Variants in PCDH10 observed in about 807,000 individuals in gnomAD.
PCDH10 encodes protocadherin 10.
In PCDH10, 15 loss-of-function variants were observed where a neutral mutation model predicts 74.4. That is an observed-to-expected ratio of 0.20 (90% CI 0.13 to 0.31). The LOEUF (loss-of-function observed/expected upper bound fraction) is 0.31, where lower values mean the gene tolerates loss of function less well. Among genes scored for constraint, PCDH10 ranks in the 10% least tolerant of loss-of-function variants. The probability of loss-of-function intolerance (pLI) is 1.00; values close to 1 mark genes in which losing one functional copy is unlikely to be tolerated. For synonymous variants in PCDH10, 619 were observed against 589.8 expected, an observed-to-expected ratio of 1.05 and a Z score of -0.72; for missense variants, 1,260 against 1,390.2, an observed-to-expected ratio of 0.91 and a Z score of 1.49.
Position 133,150,677 on chromosome 4 carries a change from A to G in PCDH10, c.537A>G (p.Arg179=), listed in dbSNP as rs1726647295. Residue 179 remains arginine, a synonymous_variant, in exon 1 of 5, where the codon CGA becomes CGG. Coordinates refer to ENST00000264360, the MANE Select transcript of PCDH10 (RefSeq NM_032961.3). ...TGCAGACCCAGGGGGATGGCAACCG[A>G]TTCGCTGAGCTGGTGCTGGAGAAGC... ...LDVQTQGDGN[R]FAELVLEKPL... is the part of the protein sequence containing the mutation. 1.4e-5 allele frequency: 23 copies of G among 1,612,394 alleles called. No homozygotes were observed. The highest frequency in any genetic ancestry group is 1.9e-5 in the Non-Finnish European group (22 of 1,179,844).
In PCDH10 at chr4:133,150,954, C is replaced by G; in HGVS notation, c.814C>G (p.Leu272Val). ...NSPPGTLVIQ[L>V]NATDPDEGQN... ...TCCCCCAGGCACTCTCGTGATCCAGCTCAACGCCACCGACCCGGACGAGGG... is the reference window on the plus strand; with the variant it reads ...TCCCCCAGGCACTCTCGTGATCCAGGTCAACGCCACCGACCCGGACGAGGG... Residue 272 changes from leucine to valine, a missense_variant, in exon 1 of 5, where the codon CTC becomes GTC. By Grantham distance (32) the Leu-to-Val change is conservative. This residue lies in a region of PCDH10 where 192 missense variants were observed against 161.2 expected (regional missense o/e 1.19). Transcript: ENST00000264360. 6.2e-7 allele frequency: 1 copy of G among 1,613,988 alleles called. No homozygotes were observed. Among genetic ancestry groups the G allele is most frequent in the Admixed American group, 1.7e-5 (1 of 60,034 alleles).
At position 133,185,893 on chromosome 4, in the gene PCDH10, T is replaced by C. The variant is rs549352547; in HGVS notation, c.3104-4248T>C. On this transcript the variant is annotated intron_variant, in intron 4 of 4. Coordinates refer to ENST00000264360, the MANE Select transcript of PCDH10 (RefSeq NM_032961.3). The stretch of plus-strand genomic sequence containing the variant: ...CCATGTGAATATTCAATTTATTAAA[T>C]TGTTATTTTAATGTATAAAATAAAA... Among the ~76,000 whole-genome samples the C allele has an allele frequency of 2.6e-5, 4 of 152,308 alleles. No individual in the cohort carries two copies. The South Asian group carries it at 8.3e-4, about 32-fold the overall frequency.
intron 4 of PCDH10, among the ~76,000 whole-genome samples, chr4:133,185,490 C>A (rs964298450): frequency 2.0e-5 from 3 of 152,128 alleles, no homozygotes; most frequent in African/African-American, 7.2e-5. Context: ...GTACAAATTT[C>A]TAATGGAGGC....
chr4:133,201,856 C>CAAAAAAAAAAAAAAAAAAAAAAGAAAA, intron 2 of PCDH10, among the ~76,000 whole-genome samples: 1 of 72,382 alleles, frequency 1.4e-5, no homozygotes, highest in Non-Finnish European at 2.5e-5. Flanking sequence ...AACTCCATCT[C>CAAAAAAAAAAAAAAAAAAAAAAGAAAA]AAAAAAAAAA....
chr4:133,150,957 A>G lies in PCDH10; in HGVS notation c.817A>G (p.Asn273Asp), dbSNP rs2125857619. Residue 273 changes from asparagine to aspartate, a missense_variant, in exon 1 of 5, where the codon AAC becomes GAC. This residue lies in a region of PCDH10 where 192 missense variants were observed against 161.2 expected (regional missense o/e 1.19). Transcript: ENST00000264360. ...CCCAGGCACTCTCGTGATCCAGCTCAACGCCACCGACCCGGACGAGGGCCA... is the reference window on the plus strand; with the variant it reads ...CCCAGGCACTCTCGTGATCCAGCTCGACGCCACCGACCCGGACGAGGGCCA... ...SPPGTLVIQL[N>D]ATDPDEGQNG... 3 of 1,613,986 alleles carry G rather than the reference A, an allele frequency of 1.9e-6. No homozygotes were observed. The highest frequency in any genetic ancestry group is 2.5e-6 in the Non-Finnish European group (3 of 1,180,018).
rs1727008464 is a variant in PCDH10, at chr4:133,163,234, G to T, written c.3055G>T (p.Asp1019Tyr). 1.2e-6 allele frequency: 2 copies of T among 1,613,904 alleles called. No homozygotes were observed. Among genetic ancestry groups the T allele is most frequent in the Admixed American group, 1.7e-5 (1 of 59,970 alleles). ...LHSTLERKEL[D>Y]GLLTNTRAPY... The stretch of plus-strand genomic sequence containing the variant: ...CAGCACTCTGGAGAGGAAGGAGCTG[G>T]ATGGACTGCTGACTAATACGCGAGC... Residue 1019 changes from aspartate (D) to tyrosine (Y), a missense_variant, in exon 4 of 5, where the codon GAT (aspartate) becomes TAT (tyrosine). By Grantham distance (160) the Asp-to-Tyr change is radical. Transcript: ENST00000264360.
At chr4:133,182,612 A>C (rs903493848) in intron 4 of PCDH10, among the ~76,000 whole-genome samples, 2 of 152,214 alleles carry the variant, frequency 1.3e-5, no homozygotes, top group African/African-American at 4.8e-5. Context: ...ATTCCAGAAA[A>C]ATTTTCAGTG....
At chr4:133,180,496 A>T (rs1727393807) in intron 4 of PCDH10, among the ~76,000 whole-genome samples, 2 of 151,920 alleles carry the variant, frequency 1.3e-5, no homozygotes, top group Non-Finnish European at 2.9e-5. Flanking sequence ...CTATTTTTTT[A>T]ATATCATGTT....
At chr4:133,159,857 AT>A (rs1726932574) in intron 3 of PCDH10, among the ~76,000 whole-genome samples, 1 of 152,008 alleles carries the variant, frequency 6.6e-6, no homozygotes, top group South Asian at 2.1e-4. Context: ...ATTTTAATAT[AT>A]CCTAGCTACT....
chr4:133,195,124 T>G (rs2125875670), downstream of PCDH10, among the ~76,000 whole-genome samples: 1 of 152,130 alleles, frequency 6.6e-6, no homozygotes, highest in East Asian at 1.9e-4. Flanking sequence ...AAATATGAAT[T>G]AAGGGATAGA....
At chr4:133,177,752 C>A (rs1178711301) in intron 4 of PCDH10, among the ~76,000 whole-genome samples, 1 of 152,042 alleles carries the variant, frequency 6.6e-6, no homozygotes, top group Admixed American at 6.6e-5. Flanking sequence ...TTGCCATAGT[C>A]ACCTGCAATT....
At chr4:133,208,467 C>G (rs902669648) in exon 3 of PCDH10, 44 of 152,206 alleles carry the variant, frequency 2.9e-4, no homozygotes, top group African/African-American at 1.0e-3. Context: ...TGTACACACC[C>G]TGTTGCTTTA....
chr4:133,154,703 T>A lies in PCDH10; in HGVS notation c.2691-214T>A, dbSNP rs552090280. Among the ~76,000 whole-genome samples, 20 of 152,306 alleles carry A rather than the reference T, an allele frequency of 1.3e-4. No homozygotes were observed. The East Asian group carries it at 3.9e-3, about 29-fold the overall frequency. On this transcript the variant is annotated intron_variant, in intron 2 of 4. Coordinates refer to ENST00000264360, the MANE Select transcript of PCDH10 (RefSeq NM_032961.3). ...TTAGCTCCAATTATAGAGTAATGCC[T>A]AAACTTTACATGACTTAAGTGCTCA... is the stretch of plus-strand genomic sequence containing the variant.
intron 2 of PCDH10, among the ~76,000 whole-genome samples, chr4:133,206,347 G>A (rs1010284288): frequency 2.0e-5 from 3 of 152,112 alleles, no homozygotes; most frequent in African/African-American, 4.8e-5. Context: ...AATAAATCTC[G>A]TGTCTCTTAA....
chr4:133,201,930 T>A (rs1368595749), intron 2 of PCDH10, among the ~76,000 whole-genome samples: 5 of 151,462 alleles, frequency 3.3e-5, no homozygotes. Context: ...TAGGGGAATC[T>A]TATCTTTGGG....
At chr4:133,198,071 G>A (rs1323706815), downstream of PCDH10, among the ~76,000 whole-genome samples, 3 of 150,666 alleles carry the variant, frequency 2.0e-5, no homozygotes, top group Non-Finnish European at 4.4e-5. Context: ...AATATTATAG[G>A]TAAAACATCT....
rs1726643253 is a variant in PCDH10, at chr4:133,150,597, A to C, written c.457A>C (p.Thr153Pro). Reference sequence around the variant, plus strand: ...GAGCGCATTCGACCCAGACGTGGGCACCAACTCCTTGCGCGACTACGAGAT... The same window carrying C: ...GAGCGCATTCGACCCAGACGTGGGCCCCAACTCCTTGCGCGACTACGAGAT... ...LESAFDPDVGTNSLRDYEITP... is the reference protein window; with the variant it reads ...LESAFDPDVGPNSLRDYEITP... The change falls in exon 1 of 5, where the codon ACC becomes CCC. Residue 153 changes from threonine (T) to proline (P), a missense_variant. Coordinates refer to ENST00000264360, the MANE Select transcript of PCDH10 (RefSeq NM_032961.3). 1.9e-6 allele frequency: 3 copies of C among 1,613,468 alleles called. No individual in the cohort carries two copies. In the East Asian group the frequency reaches 6.7e-5, roughly 36 times the overall value.
intron 3 of PCDH10, among the ~76,000 whole-genome samples, chr4:133,160,720 GTA>G (rs1726952363): frequency 6.6e-6 from 1 of 151,248 alleles, no homozygotes; most frequent in South Asian, 2.1e-4. Flanking sequence ...GTGAAAGGTT[GTA>G]TATTGCCTTA....
chr4:133,184,537 C>A lies in PCDH10; in HGVS notation c.3104-5604C>A, dbSNP rs114572246. Among the ~76,000 whole-genome samples, 610 of 151,424 alleles carry A rather than the reference C, an allele frequency of 4.0e-3. 3 individuals are homozygous for A. The highest frequency in any genetic ancestry group is 0.014 in the African/African-American group (571 of 41,274). Reference sequence around the variant, plus strand: ...ACTTGGTAGTCTGAGACAGAAGAATCGCCTGAACCCGGGAAGCTGAGGTTG... The same window carrying A: ...ACTTGGTAGTCTGAGACAGAAGAATAGCCTGAACCCGGGAAGCTGAGGTTG... On this transcript the variant is annotated intron_variant, in intron 4 of 4. Coordinates refer to ENST00000264360, the MANE Select transcript of PCDH10 (RefSeq NM_032961.3).
Sources: gnomAD v4.1 joint callset for allele counts (sites outside exome capture counted in the v4.1 genomes callset) on GRCh38, gnomAD v4.1.1 for gene constraint, gnomAD v4.1.1 regional missense constraint, MANE v1.5 for transcripts, NCBI Gene and HGNC (gene_info 2026-07-23, HGNC 2026-07-21) for gene names.